EXOC6B: variants seen among roughly 807,000 people sequenced by gnomAD.
EXOC6B encodes SEC15 homolog B.
In EXOC6B, 54 loss-of-function variants were observed where a neutral mutation model predicts 113.5. That is an observed-to-expected ratio of 0.48 (90% CI 0.38 to 0.60). The LOEUF (loss-of-function observed/expected upper bound fraction) is 0.60. EXOC6B is among the 20% of genes least tolerant of loss of function. The pLI, the probability that EXOC6B is intolerant of heterozygous loss-of-function variation, is 0.00. For synonymous variants in EXOC6B, 357 were observed against 339.0 expected, an observed-to-expected ratio of 1.05 and a Z score of -0.58; for missense variants, 797 against 977.5, an observed-to-expected ratio of 0.82 and a Z score of 2.46.
intron 8 of EXOC6B, among the ~76,000 whole-genome samples, chr2:72,548,218 GAAGA>G (rs1232334251): frequency 2.0e-5 from 3 of 152,078 alleles, no homozygotes; most frequent in African/African-American, 7.2e-5. Flanking sequence ...GTCACCAAAG[GAAGA>G]ATTTGCAGGT....
intron 6 of EXOC6B, among the ~76,000 whole-genome samples, chr2:72,666,821 AC>A (rs1675428472): frequency 1.3e-5 from 2 of 148,634 alleles, no homozygotes; most frequent in African/African-American, 2.5e-5. Context: ...ACACACACAC[AC>A]AAAGAAATGC....
At chr2:72,707,263 C>A (rs951808451) in intron 6 of EXOC6B, among the ~76,000 whole-genome samples, 1 of 152,116 alleles carries the variant, frequency 6.6e-6, no homozygotes, top group African/African-American at 2.4e-5. Context: ...AATTCAAATG[C>A]ACCTTATTAT....
chr2:72,232,031 G>A (rs1681655679), intron 20 of EXOC6B, among the ~76,000 whole-genome samples: 1 of 152,084 alleles, frequency 6.6e-6, no homozygotes, highest in South Asian at 2.1e-4. Flanking sequence ...TTGGAGTGCA[G>A]TGGCACAGTC....
intron 6 of EXOC6B, among the ~76,000 whole-genome samples, chr2:72,615,162 C>T (rs1016242778): frequency 6.6e-6 from 1 of 151,968 alleles, no homozygotes; most frequent in African/African-American, 2.4e-5. Flanking sequence ...TAAAGACCAT[C>T]TAATATTAAG....
intron 6 of EXOC6B, among the ~76,000 whole-genome samples, chr2:72,595,296 T>TAG (rs1670009478): frequency 2.1e-5 from 3 of 141,188 alleles, no homozygotes; most frequent in East Asian, 2.0e-4. Context: ...TATATATATC[T>TAG]ATATATATAT....
intron 20 of EXOC6B, among the ~76,000 whole-genome samples, chr2:72,277,812 G>A (rs1395852466): frequency 6.6e-6 from 1 of 150,698 alleles, no homozygotes; most frequent in East Asian, 1.9e-4. Flanking sequence ...GTATTTGTAA[G>A]TAGCAAATCA....
intron 17 of EXOC6B, among the ~76,000 whole-genome samples, chr2:72,469,342 T>TTTAGA (rs1698257088): frequency 6.6e-6 from 1 of 152,078 alleles, no homozygotes; most frequent in Admixed American, 6.5e-5. Context: ...TATTGCTCAC[T>TTTAGA]TTAGATTTAA....
intron 5 of EXOC6B, among the ~76,000 whole-genome samples, chr2:72,729,101 T>A (rs1680482060): frequency 2.0e-5 from 3 of 152,128 alleles, no homozygotes; most frequent in Admixed American, 6.6e-5. Context: ...AAATGAGGAC[T>A]GAGAATCATC....
chr2:72,241,846 G>A (rs1573069251), intron 20 of EXOC6B, among the ~76,000 whole-genome samples: 1 of 152,104 alleles, frequency 6.6e-6, no homozygotes, highest in South Asian at 2.1e-4. Flanking sequence ...AGACCTGCTC[G>A]CAAGAAATTT....
chr2:72,208,940 C>A (rs1401138785), intron 20 of EXOC6B, among the ~76,000 whole-genome samples: 1 of 152,010 alleles, frequency 6.6e-6, no homozygotes, highest in Non-Finnish European at 1.5e-5. Flanking sequence ...AATATTTAAT[C>A]TTGCTGGGCA....
chr2:72,217,034 C>CAAA (rs11442630), intron 20 of EXOC6B, among the ~76,000 whole-genome samples: 5 of 119,984 alleles, frequency 4.2e-5, no homozygotes, highest in African/African-American at 8.9e-5. Context: ...GACTCCATAT[C>CAAA]AAAAAAAAAA....
At chr2:72,273,905 T>C (rs1271012488) in intron 20 of EXOC6B, among the ~76,000 whole-genome samples, 1 of 152,136 alleles carries the variant, frequency 6.6e-6, no homozygotes, top group Non-Finnish European at 1.5e-5. Context: ...GAGAAAAATA[T>C]GTAAAATAAC....
chr2:72,223,744 G>A (rs1681025602), intron 20 of EXOC6B, among the ~76,000 whole-genome samples: 1 of 151,536 alleles, frequency 6.6e-6, no homozygotes, highest in Admixed American at 6.6e-5. Context: ...AACACTTCAG[G>A]AGGACAGAAT....
intron 20 of EXOC6B, among the ~76,000 whole-genome samples, chr2:72,208,794 G>A (rs956554430): frequency 1.3e-5 from 2 of 152,096 alleles, no homozygotes; most frequent in African/African-American, 4.8e-5. Flanking sequence ...ATGTCACTAA[G>A]CATTAAGAAA....
chr2:72,637,161 A>G (rs1266180117), intron 6 of EXOC6B, among the ~76,000 whole-genome samples: 1 of 152,228 alleles, frequency 6.6e-6, no homozygotes, highest in Admixed American at 6.5e-5. Context: ...CTGATGAAAG[A>G]AGTCAAAAAC....
chr2:72,644,926 T>G (rs1334875213), intron 6 of EXOC6B, among the ~76,000 whole-genome samples: 1 of 152,092 alleles, frequency 6.6e-6, no homozygotes, highest in Non-Finnish European at 1.5e-5. Context: ...AGGATCAAAT[T>G]CACACATAAC....
At chr2:72,553,852 C>G (rs1160850803) in intron 8 of EXOC6B, among the ~76,000 whole-genome samples, 2 of 151,860 alleles carry the variant, frequency 1.3e-5, no homozygotes, top group Non-Finnish European at 2.9e-5. Flanking sequence ...GTTTGAGGCA[C>G]TAAAAAGTAT....
chr2:72,369,906 C>T (rs1222748039), intron 19 of EXOC6B, among the ~76,000 whole-genome samples: 1 of 152,126 alleles, frequency 6.6e-6, no homozygotes, highest in Non-Finnish European at 1.5e-5. Flanking sequence ...ACCATAAAAA[C>T]CCTAGAAGAA....
At chr2:72,226,131 T>C (rs887582740) in intron 20 of EXOC6B, among the ~76,000 whole-genome samples, 3 of 152,008 alleles carry the variant, frequency 2.0e-5, no homozygotes, top group African/African-American at 7.3e-5. Context: ...GGAAAGGGGA[T>C]TTAAAAAACA....
Sources: allele counts gnomAD v4.1 joint callset (sites outside exome capture counted in the v4.1 genomes callset), GRCh38; gene constraint gnomAD v4.1.1; transcripts MANE v1.5; gene names NCBI Gene and HGNC (gene_info 2026-07-23, HGNC 2026-07-21).